TIAM1: variants seen among roughly 807,000 people sequenced by gnomAD.
The protein encoded by TIAM1 is TIAM Rac1 associated GEF 1.
TIAM1 carries 65 observed loss-of-function variants against 163.5 expected under a neutral mutation model. That is an observed-to-expected ratio of 0.40 (90% CI 0.33 to 0.49). The LOEUF (loss-of-function observed/expected upper bound fraction) is 0.49. TIAM1 is among the 20% of genes least tolerant of loss of function. The pLI is 0.77. For missense variants in TIAM1, 1,789 were observed against 2,044.7 expected, an observed-to-expected ratio of 0.87 and a Z score of 2.41; for synonymous variants, 833 against 810.1, an observed-to-expected ratio of 1.03 and a Z score of -0.48.
chr21:31,430,225 A>T (rs13049073), intron 2 of TIAM1, among the ~76,000 whole-genome samples: 21,626 of 88,944 alleles, frequency 0.24, 2,357 homozygotes, highest in Non-Finnish European at 0.27. Context: ...AAAAAAAAAA[A>T]ATATATATAT....
intron 2 of TIAM1, among the ~76,000 whole-genome samples, chr21:31,353,835 C>CTTTTTTTTTTTATTTTTTTTTTTTTT (rs2076273255): frequency 1.4e-5 from 1 of 71,234 alleles, no homozygotes; most frequent in African/African-American, 5.3e-5. Context: ...ATTTATTTAT[C>CTTTTTTTTTTTATTTTTTTTTTTTTT]TTTTTTTTTT....
intron 1 of TIAM1, among the ~76,000 whole-genome samples, chr21:31,468,603 G>A (rs546957079): frequency 6.6e-6 from 1 of 151,894 alleles, no homozygotes; most frequent in South Asian, 2.1e-4. Flanking sequence ...GGTGAAACCC[G>A]TCTCTACTAA....
chr21:31,361,809 T>C (rs899106386), intron 2 of TIAM1, among the ~76,000 whole-genome samples: 2 of 151,724 alleles, frequency 1.3e-5, no homozygotes, highest in Admixed American at 1.3e-4. Context: ...CAGATGATAT[T>C]ATCATAGATT....
At chr21:31,495,066 A>G (rs2046595733) in intron 1 of TIAM1, among the ~76,000 whole-genome samples, 1 of 152,210 alleles carries the variant, frequency 6.6e-6, no homozygotes, top group African/African-American at 2.4e-5. Context: ...ATAAGTGTGC[A>G]TATATAAATG....
rs934869680 is a variant in TIAM1, at chr21:31,518,582, C to G, written c.-422+40345G>C. Among the ~76,000 whole-genome samples the G allele has an allele frequency of 2.0e-5, 3 of 152,228 alleles. No homozygotes were observed. The South Asian group carries it at 6.2e-4, about 32-fold the overall frequency. On this transcript the variant is annotated intron_variant, in intron 1 of 28. Transcript: ENST00000286827. ...GATTACAGGTGTTGGCCACTGCGCC[C>G]GGCCCTAAATGAGTGTTTTTTAAGC...
At position 31,205,215 on chromosome 21, in the gene TIAM1, T is replaced by C. The variant is rs571899117; in HGVS notation, c.2389-2203A>G. Reference sequence around the variant, plus strand: ...ATCGAAGCTGCAAATGTTTCCCACCTACCTGGGTCCTCACTGAAATCTTTA... The same window carrying C: ...ATCGAAGCTGCAAATGTTTCCCACCCACCTGGGTCCTCACTGAAATCTTTA... On this transcript the variant is annotated intron_variant, in intron 11 of 27. Coordinates refer to ENST00000541036, the MANE Select transcript of TIAM1 (RefSeq NM_001353694.2). Among the ~76,000 whole-genome samples, 3 of 152,366 alleles carry C rather than the reference T, an allele frequency of 2.0e-5. No individual in the cohort carries two copies. The South Asian group carries it at 6.2e-4, about 32-fold the overall frequency.
At chr21:31,488,568 G>A (rs1481420307) in intron 1 of TIAM1, among the ~76,000 whole-genome samples, 1 of 152,338 alleles carries the variant, frequency 6.6e-6, no homozygotes, top group Non-Finnish European at 1.5e-5. Flanking sequence ...CATGGCTGGG[G>A]AGGCCTCACT....
At chr21:31,430,788 C>T (rs1213650141) in intron 2 of TIAM1, among the ~76,000 whole-genome samples, 1 of 151,994 alleles carries the variant, frequency 6.6e-6, no homozygotes, top group Admixed American at 6.6e-5. Context: ...CCACTCTCAC[C>T]TTAGATTTTG....
At chr21:31,412,784 T>TTA (rs1326377799) in intron 2 of TIAM1, among the ~76,000 whole-genome samples, 1 of 103,538 alleles carries the variant, frequency 9.7e-6, no homozygotes, top group African/African-American at 3.8e-5. Context: ...TGTCTCAGGT[T>TTA]AAAAAAAAAA....
chr21:31,214,189 G>C (rs2087044295), intron 9 of TIAM1, among the ~76,000 whole-genome samples: 1 of 152,024 alleles, frequency 6.6e-6, no homozygotes, highest in African/African-American at 2.4e-5. Flanking sequence ...GCCATGCATA[G>C]TGGCATGCTC....
At chr21:31,520,040 G>A (rs2047526766) in intron 1 of TIAM1, among the ~76,000 whole-genome samples, 1 of 152,148 alleles carries the variant, frequency 6.6e-6, no homozygotes, top group Non-Finnish European at 1.5e-5. Context: ...ACTTTAAAAT[G>A]GTTAAAATGG....
intron 6 of TIAM1, among the ~76,000 whole-genome samples, chr21:31,243,192 C>CAAAAAAA (rs60242603): frequency 5.0e-5 from 5 of 100,944 alleles, no homozygotes; most frequent in African/African-American, 1.5e-4. Flanking sequence ...AACTTCATCT[C>CAAAAAAA]AAAAAAAAAA....
chr21:31,258,491 A>G (rs2072252307), intron 4 of TIAM1, among the ~76,000 whole-genome samples: 1 of 152,178 alleles, frequency 6.6e-6, no homozygotes, highest in Non-Finnish European at 1.5e-5. Flanking sequence ...ATCGGAGTTC[A>G]CTTAAATTTT....
At chr21:31,423,343 T>C (rs906266681) in intron 2 of TIAM1, among the ~76,000 whole-genome samples, 9 of 151,816 alleles carry the variant, frequency 5.9e-5, no homozygotes, top group African/African-American at 2.2e-4. Flanking sequence ...CATGATCCCC[T>C]CGCCTCGGCC....
In TIAM1 at chr21:31,259,473, T is replaced by C. The variant is rs548067870; in HGVS notation, c.963+6537A>G. On this transcript the variant is annotated intron_variant, in intron 4 of 27. Transcript: ENST00000541036. Reference sequence around the variant, plus strand: ...TCCTCAAAAGCTGAACTGGTGGGCATAGTGGTCCATGCCTGTAGTCCCAGC... The same window carrying C: ...TCCTCAAAAGCTGAACTGGTGGGCACAGTGGTCCATGCCTGTAGTCCCAGC... Among the ~76,000 whole-genome samples the C allele has an allele frequency of 1.5e-4, 23 of 152,022 alleles. 2 individuals carry two copies. In the South Asian group the frequency reaches 4.2e-3, roughly 28 times the overall value.
intron 24 of TIAM1, 53 bp downstream of exon 24, chr21:31,130,837 A>G: frequency 6.5e-7 from 1 of 1,531,720 alleles, no homozygotes; most frequent in South Asian, 1.1e-5. Context: ...GGCATAACTG[A>G]TAAGCAGATA....
chr21:31,345,383 C>T (rs1018605614), upstream of TIAM1, among the ~76,000 whole-genome samples: 1 of 151,680 alleles, frequency 6.6e-6, no homozygotes. Flanking sequence ...GGAAACAGTA[C>T]TCTAAAAAGG....
rs969610225 is a variant in TIAM1 at position 31,474,503 on chromosome 21, A to G, written c.-421-10468T>C. On this transcript the variant is annotated intron_variant, in intron 1 of 28. Coordinates refer to the TIAM1 transcript ENST00000286827. The stretch of plus-strand genomic sequence containing the variant: ...ATGAATTAATATATATGAAGCTCTT[A>G]GAAAAGTGGCAGACACACAACAAGC... Among the ~76,000 whole-genome samples the G allele has an allele frequency of 1.3e-4, 19 of 151,604 alleles. 1 individual carries two copies. Among genetic ancestry groups the G allele is most frequent in the Non-Finnish European group, 2.9e-5 (2 of 67,944 alleles).
intron 1 of TIAM1, among the ~76,000 whole-genome samples, chr21:31,516,884 T>C (rs536960387): frequency 6.6e-6 from 1 of 151,500 alleles, no homozygotes; most frequent in African/African-American, 2.4e-5. Flanking sequence ...ACCCCATCTC[T>C]ACTAAAAATA....
Sources: allele counts gnomAD v4.1 joint callset (sites outside exome capture counted in the v4.1 genomes callset), GRCh38; gene constraint gnomAD v4.1.1; transcripts MANE v1.5; gene names NCBI Gene and HGNC (gene_info 2026-07-23, HGNC 2026-07-21).